Variants in FAM184B observed in about 807,000 individuals in gnomAD.
FAM184B encodes the protein family with sequence similarity 184 member B.
In FAM184B, 111 loss-of-function variants were observed where a neutral mutation model predicts 135.9. That is an observed-to-expected ratio of 0.82 (90% CI 0.70 to 0.96). The LOEUF (loss-of-function observed/expected upper bound fraction) is 0.96. Ranked by LOEUF, FAM184B falls within the 40% of genes least tolerant of loss-of-function variation. The pLI is 0.00. For synonymous variants in FAM184B, 552 were observed against 524.8 expected (o/e 1.05, Z -0.71); for missense variants, 1,375 against 1,323.9 (o/e 1.04, Z -0.60).
At chr4:17,774,340 C>A (rs530342144) in intron 1 of FAM184B, among the ~76,000 whole-genome samples, 3 of 152,248 alleles carry the variant, frequency 2.0e-5, no homozygotes, top group African/African-American at 7.2e-5. Context: ...TGCACTGCAT[C>A]CTGGGCAACA....
At chr4:17,769,953 A>C (rs562423765) in intron 1 of FAM184B, among the ~76,000 whole-genome samples, 1 of 152,304 alleles carries the variant, frequency 6.6e-6, no homozygotes, top group Admixed American at 6.5e-5. Flanking sequence ...CAGCCGCATT[A>C]GTCTGAAGAG....
intron 1 of FAM184B, among the ~76,000 whole-genome samples, chr4:17,710,300 G>A (rs1305218128): frequency 1.3e-5 from 2 of 150,432 alleles, no homozygotes; most frequent in African/African-American, 2.5e-5. Flanking sequence ...CTCCAGCCTG[G>A]GCAAAAAAGA....
At chr4:17,661,671 C>T (rs1042936498) in intron 8 of FAM184B, among the ~76,000 whole-genome samples, 1 of 152,182 alleles carries the variant, frequency 6.6e-6, no homozygotes. Context: ...ACATAGCCAC[C>T]TTTAAGGAGC....
In FAM184B at chr4:17,746,591, C is replaced by T. The variant is rs373925440; in HGVS notation, c.141+34568G>A. Among the ~76,000 whole-genome samples the T allele has an allele frequency of 1.4e-3, 216 of 151,026 alleles. 1 individual carries two copies. Among genetic ancestry groups the T allele is most frequent in the African/African-American group, 4.9e-3 (201 of 41,150 alleles). ...ACTAAAAATACAAAAAATTAGCCAG[C>T]CGTGGTGGCGGGTGCCTGAAGTCTC... On this transcript the variant is annotated intron_variant, in intron 1 of 17. Transcript: ENST00000265018.
intron 1 of FAM184B, among the ~76,000 whole-genome samples, chr4:17,768,105 G>A (rs984615612): frequency 1.3e-5 from 2 of 152,192 alleles, no homozygotes; most frequent in African/African-American, 4.8e-5. Flanking sequence ...TGTCACAGAA[G>A]TTCTTTTGAT....
chr4:17,691,423 C>T lies in FAM184B; in HGVS notation c.1488+1879G>A, dbSNP rs148588443. 6.0e-3 allele frequency among the ~76,000 whole-genome samples: 909 copies of T among 152,252 alleles called. 7 individuals carry two copies. Among genetic ancestry groups the T allele is most frequent in the African/African-American group, 0.021 (876 of 41,530 alleles). ...GCTCTGGGCTGGGCACGGTGGCTCA[C>T]GCCTGTAATCCCAGCACTTCGGGAG... On this transcript the variant is annotated intron_variant, in intron 6 of 17. Coordinates refer to ENST00000265018, the MANE Select transcript of FAM184B (RefSeq NM_015688.2).
intron 1 of FAM184B, among the ~76,000 whole-genome samples, chr4:17,725,178 G>A (rs1331517317): frequency 1.3e-5 from 2 of 152,104 alleles, no homozygotes; most frequent in Non-Finnish European, 2.9e-5. Context: ...AACTAGTAGG[G>A]ACTGTTTGTT....
At chr4:17,731,512 G>T (rs1046227721) in intron 1 of FAM184B, among the ~76,000 whole-genome samples, 1 of 152,002 alleles carries the variant, frequency 6.6e-6, no homozygotes, top group African/African-American at 2.4e-5. Context: ...AACAAAAAAA[G>T]GCAGGGATTG....
chr4:17,629,644 TTC>T lies in FAM184B; in HGVS notation c.*2886_*2887del, dbSNP rs1030008771. 5 of 152,330 alleles carry T rather than the reference TTC, an allele frequency of 3.3e-5. No individual in the cohort carries two copies. The highest frequency in any genetic ancestry group is 2.0e-4 in the Admixed American group (3 of 15,292). 9.4% of individuals were successfully genotyped at this position (152,330 alleles called of 1,614,324 possible). ...AGATTTACCATTAAATACTGTTTTTTTCTCTCTCTTAACTTAATCCCGAATTG... is the reference window on the plus strand; with the variant it reads ...AGATTTACCATTAAATACTGTTTTTTTCTCTCTTAACTTAATCCCGAATTG... On this transcript the variant is annotated 3_prime_UTR_variant, in exon 18 of 18. Transcript: ENST00000265018.
intron 5 of FAM184B, among the ~76,000 whole-genome samples, chr4:17,694,962 A>C (rs1386694574): frequency 6.6e-6 from 1 of 151,048 alleles, no homozygotes; most frequent in Non-Finnish European, 1.5e-5. Flanking sequence ...GAGTTCACCA[A>C]GGAGATATCT....
intron 1 of FAM184B, among the ~76,000 whole-genome samples, chr4:17,724,729 C>T (rs1353606694): frequency 6.6e-6 from 1 of 152,188 alleles, no homozygotes; most frequent in Non-Finnish European, 1.5e-5. Flanking sequence ...CTGAATTCAA[C>T]CTCGCATAAA....
At chr4:17,723,758 T>C (rs1717583044) in intron 1 of FAM184B, among the ~76,000 whole-genome samples, 1 of 152,172 alleles carries the variant, frequency 6.6e-6, no homozygotes, top group Non-Finnish European at 1.5e-5. Flanking sequence ...ACCCTCCACT[T>C]TACACAGCCA....
rs1248525653 is a variant in FAM184B at position 17,630,434 on chromosome 4, T to C, written c.*2098A>G. The C allele has an allele frequency of 1.3e-5, 2 of 152,196 alleles. No individual in the cohort carries two copies. Among genetic ancestry groups the C allele is most frequent in the Admixed American group, 6.5e-5 (1 of 15,272 alleles). 9.4% of individuals were successfully genotyped at this position (152,196 alleles called of 1,614,324 possible). On this transcript the variant is annotated 3_prime_UTR_variant, in exon 18 of 18. Transcript: ENST00000265018. ...GGAGGCGCTCTTGCCTCTTCCACCATGTAAGGACACGTAGCAGGCACCCAT... is the reference window on the plus strand; with the variant it reads ...GGAGGCGCTCTTGCCTCTTCCACCACGTAAGGACACGTAGCAGGCACCCAT...
chr4:17,717,642 C>T (rs562410916), intron 1 of FAM184B, among the ~76,000 whole-genome samples: 15 of 152,168 alleles, frequency 9.9e-5, no homozygotes, highest in African/African-American at 2.2e-4. Flanking sequence ...GATGGGTTGA[C>T]GTCAGAGGAG....
intron 1 of FAM184B, among the ~76,000 whole-genome samples, chr4:17,749,026 G>A (rs1439822128): frequency 1.3e-5 from 2 of 149,478 alleles, no homozygotes; most frequent in South Asian, 2.1e-4. Context: ...AAGAGACAGG[G>A]GCTCGCTATG....
chr4:17,734,588 C>T (rs1256189032), intron 1 of FAM184B, among the ~76,000 whole-genome samples: 1 of 152,030 alleles, frequency 6.6e-6, no homozygotes, highest in East Asian at 1.9e-4. Context: ...AAATGCTCAC[C>T]ATCACTGGCC....
chr4:17,633,453 A>C (rs1577238040), intron 17 of FAM184B: 1 of 407,700 alleles, frequency 2.5e-6, no homozygotes, highest in Non-Finnish European at 4.4e-6. Context: ...GTCCAAGGCC[A>C]CAGAGCTAAG....
intron 12 of FAM184B, among the ~76,000 whole-genome samples, chr4:17,643,022 T>C (rs1159987075): frequency 6.6e-6 from 1 of 152,248 alleles, no homozygotes; most frequent in Non-Finnish European, 1.5e-5. Flanking sequence ...TGTCTCTGCC[T>C]TCCTGCTCTG....
intron 13 of FAM184B, among the ~76,000 whole-genome samples, chr4:17,641,604 G>A (rs998356365): frequency 2.0e-4 from 26 of 126,952 alleles, no homozygotes; most frequent in African/African-American, 6.9e-4. Flanking sequence ...TCAGCCTCCC[G>A]AATAACTGGG....
Sources: gnomAD v4.1 joint callset for allele counts (sites outside exome capture counted in the v4.1 genomes callset) on GRCh38, gnomAD v4.1.1 for gene constraint, MANE v1.5 for transcripts, NCBI Gene and HGNC (gene_info 2026-07-23, HGNC 2026-07-21) for gene names.